SYT12: variants seen among roughly 807,000 people sequenced by gnomAD.
SYT12 encodes synaptotagmin-12.
In SYT12, 27 loss-of-function variants were observed where a neutral mutation model predicts 39.5. The ratio of observed to expected loss-of-function variants is 0.68; its 90% CI spans 0.50 to 0.94. The LOEUF is 0.94. Among genes scored for constraint, SYT12 ranks in the 40% least tolerant of loss-of-function variants. The pLI is 0.00. For synonymous variants in SYT12, 233 were observed against 239.7 expected (o/e 0.97, Z 0.26); for missense variants, 536 against 572.6 (o/e 0.94, Z 0.65).
intron 4 of SYT12, 90 bp downstream of exon 4, chr11:67,040,293 C>T (rs889753880): frequency 2.9e-5 from 43 of 1,491,108 alleles, no homozygotes; most frequent in East Asian, 4.6e-5. Flanking sequence ...GGCAGGATCC[C>T]AGAAAGGCAG....
intron 3 of SYT12, among the ~76,000 whole-genome samples, chr11:67,038,424 A>G (rs1234643209): frequency 6.6e-6 from 1 of 151,750 alleles, no homozygotes; most frequent in African/African-American, 2.4e-5. Context: ...TCAGCCTCCC[A>G]AAGTGCTGGT....
Position 67,044,609 on chromosome 11 carries a change from G to T in SYT12, c.854G>T (p.Gly285Val). ...GTCCCCCAGGCCGCCGATGCTGTGG[G>T]GGAGATCCTGCTCTCCCTCAGCTAC... ...QDQNKAADAV[G>V]EILLSLSYLP... Residue 285 changes from glycine (G) to valine (V), a missense_variant, in exon 6 of 8, where the codon GGG becomes GTG. Transcript: ENST00000527043. 6.2e-7 allele frequency: 1 copy of T among 1,613,142 alleles called. No individual in the cohort carries two copies. Among genetic ancestry groups the T allele is most frequent in the East Asian group, 2.2e-5 (1 of 44,878 alleles).
Position 67,044,712 on chromosome 11 carries a change from G to A in SYT12, c.957G>A (p.Ala319=), listed in dbSNP as rs774096811. ...TCTGGACCAACGACAAGACCACAGC[G>A]GGTAAGGCCCAGCCGGCAGCCCGGC... The part of the protein sequence containing the change: ...NLIWTNDKTT[A]DPFVKVYLLQ... Residue 319 remains alanine (A), a splice_region_variant and synonymous_variant, in exon 6 of 8, where the codon GCG becomes GCA. Transcript: ENST00000527043. 8.7e-6 allele frequency: 14 copies of A among 1,613,616 alleles called. No homozygotes were observed. The Admixed American group carries it at 1.2e-4, about 13-fold the overall frequency.
chr11:67,034,893 T>C, intron 3 of SYT12, 55 bp downstream of exon 3: 2 of 1,371,852 alleles, frequency 1.5e-6, no homozygotes, highest in Non-Finnish European at 1.9e-6. Flanking sequence ...GCCCCTACCA[T>C]CCACTCAGAT....
At chr11:67,024,124 G>A (rs1950149941) in intron 1 of SYT12, among the ~76,000 whole-genome samples, 1 of 152,156 alleles carries the variant, frequency 6.6e-6, no homozygotes, top group Admixed American at 6.5e-5. Context: ...GCCTGTGGGT[G>A]GAAGGCCCTG....
chr11:67,016,044 G>T (rs1950056216), intron 3 of SYT12, among the ~76,000 whole-genome samples: 1 of 152,198 alleles, frequency 6.6e-6, no homozygotes, highest in Non-Finnish European at 1.5e-5. Flanking sequence ...ACTTCGGGAG[G>T]CTGGGGTGGG....
At chr11:67,026,434 C>T (rs540100094) in intron 1 of SYT12, among the ~76,000 whole-genome samples, 17 of 152,154 alleles carry the variant, frequency 1.1e-4, no homozygotes, top group Admixed American at 9.8e-4. Context: ...CCACCAAGCC[C>T]GGCTAATTTT....
At chr11:67,020,651 G>A (rs1022606292), upstream of SYT12, among the ~76,000 whole-genome samples, 2 of 152,128 alleles carry the variant, frequency 1.3e-5, no homozygotes, top group Admixed American at 6.5e-5. Flanking sequence ...AGTTTTGCTT[G>A]TCTTTGAACC....
chr11:67,035,760 CCTTT>C (rs1452006786), intron 3 of SYT12, among the ~76,000 whole-genome samples: 24 of 150,832 alleles, frequency 1.6e-4, no homozygotes, highest in African/African-American at 5.7e-4. Context: ...CCCGGCCCTT[CCTTT>C]CTTTCTTTTC....
chr11:67,022,762 G>A (rs1950125686), upstream of SYT12: 1 of 152,246 alleles, frequency 6.6e-6, no homozygotes, highest in African/African-American at 2.4e-5. Context: ...GCCACGGTGA[G>A]GACTGAGATG....
chr11:67,014,517 C>T (rs1950037831), intron 3 of SYT12, among the ~76,000 whole-genome samples: 1 of 152,238 alleles, frequency 6.6e-6, no homozygotes, highest in South Asian at 2.1e-4. Flanking sequence ...GGAGAAGCGG[C>T]TCCTGCCGGG....
In SYT12 at chr11:67,042,431, T is replaced by C. The variant is rs1334723296; in HGVS notation, c.622-1207T>C. 2.6e-5 allele frequency among the ~76,000 whole-genome samples: 4 copies of C among 152,276 alleles called. No individual in the cohort carries two copies. In the East Asian group the frequency reaches 7.7e-4, roughly 29 times the overall value. ...AACCTGGTTCACAGAGCCCAGTGCA[T>C]CCATGATTCTCTCATTAGCCCCTGA... is the stretch of plus-strand genomic sequence containing the variant. On this transcript the variant is annotated intron_variant, in intron 4 of 7. Coordinates refer to ENST00000527043, the MANE Select transcript of SYT12 (RefSeq NM_177963.4).
rs1357977916 is a variant in SYT12 at position 67,050,015 on chromosome 11, G to A, written c.*1258G>A. On this transcript the variant is annotated 3_prime_UTR_variant, in exon 8 of 8. Coordinates refer to ENST00000527043, the MANE Select transcript of SYT12 (RefSeq NM_177963.4). ...AGAGAAACTTACCAGATCAAGAAAGGGAGCTCAGGCTGGATGGAGGAAGCC... is the reference window on the plus strand; with the variant it reads ...AGAGAAACTTACCAGATCAAGAAAGAGAGCTCAGGCTGGATGGAGGAAGCC... 6.6e-6 allele frequency: 1 copy of A among 152,228 alleles called. No individual in the cohort carries two copies. The highest frequency in any genetic ancestry group is 6.5e-5 in the Admixed American group (1 of 15,290). 9.4% of individuals were successfully genotyped at this position (152,228 alleles called of 1,614,324 possible).
chr11:67,017,757 C>T (rs1329312640), intron 3 of SYT12, among the ~76,000 whole-genome samples: 2 of 151,408 alleles, frequency 1.3e-5, no homozygotes, highest in East Asian at 2.0e-4. Context: ...GTCAGGAGTT[C>T]GAGACCAGCC....
chr11:67,007,550 CTTATTTAT>C (rs201617027), intron 1 of SYT12: 1 of 152,038 alleles, frequency 6.6e-6, no homozygotes, highest in Non-Finnish European at 1.5e-5. Context: ...TATTTCTTTT[CTTATTTAT>C]TTATTTATTT....
intron 1 of SYT12, chr11:67,029,878 T>C (rs541184998): frequency 2.2e-6 from 1 of 456,720 alleles, no homozygotes; most frequent in South Asian, 4.1e-5. Context: ...CAAAACAAAA[T>C]CTGAAATTCA....
intron 6 of SYT12, 114 bp downstream of exon 6, chr11:67,044,827 T>C: frequency 6.8e-7 from 1 of 1,479,338 alleles, no homozygotes; most frequent in Non-Finnish European, 9.2e-7. Flanking sequence ...AGTGCCAAGG[T>C]CCCCCTCAGC....
At chr11:67,031,406 CT>C (rs1350847633) in intron 2 of SYT12, 1 of 152,224 alleles carries the variant, frequency 6.6e-6, no homozygotes, top group Non-Finnish European at 1.5e-5. Context: ...CCCAGTCTGT[CT>C]GGAGGCAGAT....
upstream of SYT12, among the ~76,000 whole-genome samples, chr11:67,019,380 G>A (rs1591352891): frequency 2.6e-5 from 4 of 152,006 alleles, no homozygotes; most frequent in Non-Finnish European, 5.9e-5. Flanking sequence ...ATTCAGGCAG[G>A]AGAATCGCTT....
Sources: gnomAD v4.1 joint callset for allele counts (sites outside exome capture counted in the v4.1 genomes callset) on GRCh38, gnomAD v4.1.1 for gene constraint, MANE v1.5 for transcripts, NCBI Gene and HGNC (gene_info 2026-07-23, HGNC 2026-07-21) for gene names.